Variants in AFDN observed in about 807,000 individuals in gnomAD.
AFDN encodes afadin.
A neutral mutation model predicts 216.6 loss-of-function variants in AFDN; 68 were observed. The ratio of observed to expected loss-of-function variants is 0.31; its 90% CI spans 0.26 to 0.38. The LOEUF is 0.38. AFDN is among the 10% of genes least tolerant of loss of function. AFDN has a pLI of 1.00. For missense variants in AFDN, 2,136 were observed against 2,342.0 expected (o/e 0.91, Z 1.82); for synonymous variants, 868 against 853.7 (o/e 1.02, Z -0.29).
chr6:167,883,465 C>T (rs545185042), intron 6 of AFDN, among the ~76,000 whole-genome samples: 1 of 152,170 alleles, frequency 6.6e-6, no homozygotes, highest in Non-Finnish European at 1.5e-5. Context: ...TGCTCTGCAA[C>T]GTCAGTTAAA....
At chr6:167,884,898 T>C (rs1437345184) in intron 6 of AFDN, among the ~76,000 whole-genome samples, 3 of 152,236 alleles carry the variant, frequency 2.0e-5, no homozygotes, top group Non-Finnish European at 4.4e-5. Context: ...CTTTTTCCAA[T>C]AGAAGGCTGT....
intron 29 of AFDN, among the ~76,000 whole-genome samples, chr6:167,950,092 A>G (rs1313854028): frequency 6.6e-6 from 1 of 152,228 alleles, no homozygotes; most frequent in African/African-American, 2.4e-5. Context: ...TACCCCAGTA[A>G]TGAGACTCTG....
intron 1 of AFDN, among the ~76,000 whole-genome samples, chr6:167,830,363 T>G (rs1298274900): frequency 6.6e-6 from 1 of 152,244 alleles, no homozygotes; most frequent in African/African-American, 2.4e-5. Context: ...CTTGGATAAT[T>G]GTTCTGTATC....
At chr6:167,836,485 A>G (rs1437302302) in intron 1 of AFDN, among the ~76,000 whole-genome samples, 1 of 152,244 alleles carries the variant, frequency 6.6e-6, no homozygotes, top group Admixed American at 6.5e-5. Context: ...TCTAAGACCA[A>G]TCACGCACAT....
chr6:167,956,690 C>G (rs1219117074), intron 30 of AFDN, among the ~76,000 whole-genome samples: 1 of 152,202 alleles, frequency 6.6e-6, no homozygotes, highest in Non-Finnish European at 1.5e-5. Flanking sequence ...TGCCTTCAGC[C>G]TTCCCCATTT....
At chr6:167,957,914 AG>A (rs1391449666) in intron 30 of AFDN, among the ~76,000 whole-genome samples, 1 of 152,236 alleles carries the variant, frequency 6.6e-6, no homozygotes, top group Non-Finnish European at 1.5e-5. Context: ...GCAGAGCACA[AG>A]GGCCTAAGCC....
At chr6:167,964,527 T>C in intron 31 of AFDN, 2 of 1,065,720 alleles carry the variant, frequency 1.9e-6, no homozygotes, top group Non-Finnish European at 1.1e-6. Context: ...CAATGAAAAA[T>C]TGGGCTCAGG....
intron 1 of AFDN, among the ~76,000 whole-genome samples, chr6:167,852,025 T>C (rs993733929): frequency 6.6e-6 from 1 of 152,230 alleles, no homozygotes; most frequent in African/African-American, 2.4e-5. Flanking sequence ...TTTGTCGTTC[T>C]TAATTTTGTT....
chr6:167,884,738 C>T (rs1344192759), intron 6 of AFDN, among the ~76,000 whole-genome samples: 1 of 152,126 alleles, frequency 6.6e-6, no homozygotes, highest in Non-Finnish European at 1.5e-5. Context: ...TTCTTAAAAG[C>T]TCCAGAATTT....
At chr6:167,871,641 A>G (rs919276561) in intron 3 of AFDN, among the ~76,000 whole-genome samples, 1 of 152,240 alleles carries the variant, frequency 6.6e-6, no homozygotes, top group African/African-American at 2.4e-5. Flanking sequence ...TAAAATACAA[A>G]TTAAGAAGAA....
In AFDN at chr6:167,897,002, C is replaced by T. The variant is rs371753982; in HGVS notation, c.1317+30C>T. 21 of 1,331,792 alleles carry T rather than the reference C, an allele frequency of 1.6e-5. No homozygotes were observed. The African/African-American group carries it at 2.6e-4, about 16-fold the overall frequency. 82.5% of individuals were successfully genotyped at this position (1,331,792 alleles called of 1,614,324 possible). A position where few individuals can be genotyped will look rare whatever the true frequency, so the allele number is the denominator to read the frequency against. On this transcript the variant is annotated intron_variant, in intron 10 of 33. Coordinates refer to ENST00000683244, the MANE Select transcript of AFDN (RefSeq NM_001386888.1). ...GTAGTCTGAGCTTCCTGCTGCAACT[C>T]TGACATTCCAGGAGGCATAACGTAT...
intron 30 of AFDN, among the ~76,000 whole-genome samples, chr6:167,954,182 A>G (rs953933781): frequency 1.3e-5 from 2 of 152,228 alleles, no homozygotes; most frequent in South Asian, 4.1e-4. Flanking sequence ...TACAATTAGT[A>G]TCTTAGTCTC....
chr6:167,826,852 C>CGCGCACGGCGGCGGGCGGG (rs1000225515), upstream of AFDN: 36 of 144,646 alleles, frequency 2.5e-4, no homozygotes, highest in African/African-American at 6.7e-4. Flanking sequence ...CGGGCGGCGG[C>CGCGCACGGCGGCGGGCGGG]GCGCACGGCG....
At chr6:167,932,422 A>C (rs1222255279) in intron 23 of AFDN, among the ~76,000 whole-genome samples, 1 of 152,170 alleles carries the variant, frequency 6.6e-6, no homozygotes, top group Non-Finnish European at 1.5e-5. Context: ...GGACAACATG[A>C]TGCTTCCTGT....
chr6:167,839,238 T>G (rs1583103500), intron 1 of AFDN, among the ~76,000 whole-genome samples: 1 of 152,324 alleles, frequency 6.6e-6, no homozygotes, highest in African/African-American at 2.4e-5. Flanking sequence ...GATTTTACAT[T>G]AAATGTAATG....
intron 20 of AFDN, 50 bp from the exon 21 acceptor site, chr6:167,918,685 C>A: frequency 6.4e-7 from 1 of 1,561,710 alleles, no homozygotes; most frequent in Non-Finnish European, 8.8e-7. Context: ...TGGTCACATG[C>A]ACCAGGCAGT....
chr6:167,830,922 T>G (rs1779754762), intron 1 of AFDN, among the ~76,000 whole-genome samples: 1 of 149,338 alleles, frequency 6.7e-6, no homozygotes, highest in African/African-American at 2.5e-5. Context: ...ACAACTGAAC[T>G]ATATTTGAAA....
At chr6:167,889,429 G>T in intron 7 of AFDN, 103 bp downstream of exon 7, 1 of 822,256 alleles carries the variant, frequency 1.2e-6, no homozygotes, top group Non-Finnish European at 2.0e-6. Context: ...AATGTTTTTG[G>T]ATGGCCTTGT....
chr6:167,923,563 T>C (rs1792095465), intron 22 of AFDN, among the ~76,000 whole-genome samples: 1 of 152,164 alleles, frequency 6.6e-6, no homozygotes, highest in African/African-American at 2.4e-5. Flanking sequence ...ATGATCGTTC[T>C]TTTGTACCAA....
Sources: allele counts gnomAD v4.1 joint callset (sites outside exome capture counted in the v4.1 genomes callset), GRCh38; gene constraint gnomAD v4.1.1; transcripts MANE v1.5; gene names NCBI Gene and HGNC (gene_info 2026-07-23, HGNC 2026-07-21).